Variants in SLC8A3 observed in about 807,000 individuals in gnomAD.
SLC8A3 encodes the protein sodium/calcium exchanger 3.
SLC8A3 carries 37 observed loss-of-function variants against 65.4 expected under a neutral mutation model. That is an observed-to-expected ratio of 0.57 (90% CI 0.44 to 0.74). The LOEUF is 0.74. Among genes scored for constraint, SLC8A3 ranks in the 30% least tolerant of loss-of-function variants. The pLI is 0.00. For missense variants in SLC8A3, 1,112 were observed against 1,172.1 expected, an observed-to-expected ratio of 0.95 and a Z score of 0.75; for synonymous variants, 461 against 444.5, an observed-to-expected ratio of 1.04 and a Z score of -0.47.
intron 2 of SLC8A3, among the ~76,000 whole-genome samples, chr14:70,114,939 A>C (rs2140157697): frequency 6.6e-6 from 1 of 152,232 alleles, no homozygotes; most frequent in African/African-American, 2.4e-5. Context: ...GCAGATACAC[A>C]AGGGACTTTG....
chr14:70,126,568 T>A (rs866878092), intron 2 of SLC8A3, among the ~76,000 whole-genome samples: 13,957 of 121,798 alleles, frequency 0.11, 872 homozygotes, highest in Non-Finnish European at 0.16. Context: ...TCTCTCTCTC[T>A]CTCACACACA....
At chr14:70,083,434 G>A (rs963575869) in intron 2 of SLC8A3, among the ~76,000 whole-genome samples, 12 of 152,348 alleles carry the variant, frequency 7.9e-5, no homozygotes, top group Middle Eastern at 6.8e-3. Flanking sequence ...ACAAAATCCT[G>A]TTGGGGATTC....
chr14:70,145,666 C>T (rs1391052413), intron 2 of SLC8A3, among the ~76,000 whole-genome samples: 1 of 152,134 alleles, frequency 6.6e-6, no homozygotes, highest in Admixed American at 6.6e-5. Context: ...TTCTGTTTTC[C>T]TTTGGGGAAA....
At chr14:70,092,761 AAAG>A (rs1256072264) in intron 2 of SLC8A3, among the ~76,000 whole-genome samples, 2 of 152,294 alleles carry the variant, frequency 1.3e-5, no homozygotes, top group African/African-American at 4.8e-5. Flanking sequence ...CTAAAAGAAA[AAAG>A]AAAGAATTCT....
chr14:70,072,666 GA>G (rs150218905), intron 2 of SLC8A3, among the ~76,000 whole-genome samples: 8 of 151,232 alleles, frequency 5.3e-5, no homozygotes, highest in South Asian at 4.2e-4. Flanking sequence ...TTTTGTGAGA[GA>G]AAAAAAAGAA....
At chr14:70,099,524 G>A (rs1219180319) in intron 2 of SLC8A3, among the ~76,000 whole-genome samples, 1 of 152,160 alleles carries the variant, frequency 6.6e-6, no homozygotes. Context: ...GTAAAGTTGG[G>A]CTAAGAGTGC....
intron 2 of SLC8A3, among the ~76,000 whole-genome samples, chr14:70,153,984 C>T (rs75717136): frequency 0.049 from 7,451 of 152,326 alleles, 223 homozygotes; most frequent in Middle Eastern, 0.075. Flanking sequence ...CAAGAATCCT[C>T]TGCAGACCAG....
intron 2 of SLC8A3, among the ~76,000 whole-genome samples, chr14:70,086,961 G>T (rs1252704755): frequency 6.6e-6 from 1 of 152,318 alleles, no homozygotes; most frequent in East Asian, 1.9e-4. Flanking sequence ...GAGGGAAACC[G>T]ATGGGGCTGT....
At chr14:70,104,836 T>C (rs1266191928) in intron 2 of SLC8A3, among the ~76,000 whole-genome samples, 1 of 151,906 alleles carries the variant, frequency 6.6e-6, no homozygotes, top group Non-Finnish European at 1.5e-5. Context: ...TAAATGCACT[T>C]ATTAGAAAAG....
At chr14:70,145,832 TGGTTAGCAGGGTAG>T (rs1895891816) in intron 2 of SLC8A3, among the ~76,000 whole-genome samples, 1 of 151,536 alleles carries the variant, frequency 6.6e-6, no homozygotes, top group Non-Finnish European at 1.5e-5. Flanking sequence ...TAACAAGCTG[TGGTTAGCAGGGTAG>T]GCAGGAGGGA....
intron 2 of SLC8A3, among the ~76,000 whole-genome samples, chr14:70,139,097 C>A (rs1234946619): frequency 6.6e-6 from 1 of 152,154 alleles, no homozygotes; most frequent in Admixed American, 6.5e-5. Context: ...AGGATAGACA[C>A]CTCCTTCAGG....
chr14:70,112,865 A>G (rs952301933), intron 2 of SLC8A3, among the ~76,000 whole-genome samples: 2 of 152,064 alleles, frequency 1.3e-5, no homozygotes, highest in African/African-American at 4.8e-5. Flanking sequence ...CTCTGTTCTC[A>G]CATGGCCTTC....
chr14:70,110,093 G>T (rs1321397879), intron 2 of SLC8A3, among the ~76,000 whole-genome samples: 2 of 151,070 alleles, frequency 1.3e-5, no homozygotes, highest in Non-Finnish European at 3.0e-5. Context: ...TATATTTATT[G>T]GGTACATATG....
intron 2 of SLC8A3, among the ~76,000 whole-genome samples, chr14:70,136,984 C>T (rs1276771811): frequency 6.6e-6 from 1 of 152,156 alleles, no homozygotes; most frequent in East Asian, 1.9e-4. Flanking sequence ...AGCTAGCAGT[C>T]TTGGAGCATC....
At chr14:70,056,983 T>C (rs778140213) in intron 3 of SLC8A3, among the ~76,000 whole-genome samples, 1 of 152,300 alleles carries the variant, frequency 6.6e-6, no homozygotes, top group African/African-American at 2.4e-5. Context: ...TGGGAAGAGC[T>C]TGCCACATAT....
intron 2 of SLC8A3, among the ~76,000 whole-genome samples, chr14:70,116,721 T>C (rs527457122): frequency 6.6e-6 from 1 of 152,302 alleles, no homozygotes; most frequent in East Asian, 1.9e-4. Flanking sequence ...GGGCTGCTGC[T>C]TCTCCATTTG....
At chr14:70,103,225 A>G (rs1892648756) in intron 2 of SLC8A3, among the ~76,000 whole-genome samples, 2 of 152,092 alleles carry the variant, frequency 1.3e-5, no homozygotes, top group African/African-American at 4.8e-5. Flanking sequence ...AAGGCAAAAT[A>G]AAGATATTTT....
intron 2 of SLC8A3, among the ~76,000 whole-genome samples, chr14:70,069,290 G>A (rs761418908): frequency 1.3e-5 from 2 of 152,146 alleles, no homozygotes; most frequent in Non-Finnish European, 2.9e-5. Context: ...TTGTGAGTAG[G>A]TGGCCTCCTA....
chr14:70,052,149 C>T (rs761747369), intron 3 of SLC8A3, 35 bp from the exon 4 acceptor site: 126 of 1,564,858 alleles, frequency 8.1e-5, no homozygotes, highest in Middle Eastern at 5.1e-4. Flanking sequence ...GCTTTAACAC[C>T]TTTTCCATTC....
Sources: allele counts gnomAD v4.1 joint callset (sites outside exome capture counted in the v4.1 genomes callset), GRCh38; gene constraint gnomAD v4.1.1; transcripts MANE v1.5; gene names NCBI Gene and HGNC (gene_info 2026-07-23, HGNC 2026-07-21).